VWF: variants seen among roughly 807,000 people sequenced by gnomAD.
VWF encodes Factor VIII related antigen.
In VWF, 176 loss-of-function variants were observed where a neutral mutation model predicts 308.6. The ratio of observed to expected loss-of-function variants is 0.57; its 90% CI spans 0.50 to 0.65. The LOEUF is 0.65. VWF is among the 30% of genes least tolerant of loss of function. The pLI, the probability that VWF is intolerant of heterozygous loss-of-function variation, is 0.00. For missense variants in VWF, 3,146 were observed against 3,648.2 expected, an observed-to-expected ratio of 0.86 and a Z score of 3.55; for synonymous variants, 1,385 against 1,443.4, an observed-to-expected ratio of 0.96 and a Z score of 0.92.
rs568697875 is a variant in VWF at position 6,103,425 on chromosome 12, TAC to T, written c.532+6947_532+6948del. 6.2e-3 allele frequency among the ~76,000 whole-genome samples: 726 copies of T among 117,932 alleles called. 58 individuals carry two copies. The highest frequency in any genetic ancestry group is 0.021 in the African/African-American group (400 of 19,238). The allele number at this position is 117,932 out of a possible 152,430, so 77.4% of individuals were successfully genotyped here. A position where few individuals can be genotyped will look rare whatever the true frequency, so the allele number is the denominator to read the frequency against. ...GTGTGTGTATACACACGTGTGTGTA[TAC>T]ACACGTGTGTATATACATACACATA... On this transcript the variant is annotated intron_variant, in intron 5 of 51. Transcript: ENST00000261405.
At chr12:6,095,381 A>C (rs1454589862) in intron 6 of VWF, 79 bp downstream of exon 6, 1 of 1,607,196 alleles carries the variant, frequency 6.2e-7, no homozygotes, top group Non-Finnish European at 8.5e-7. Flanking sequence ...AGATGGAAGG[A>C]TATGAGACTG....
At chr12:6,017,008 G>C (rs370918155) in intron 28 of VWF, 138 bp from the exon 29 acceptor site, 4 of 881,778 alleles carry the variant, frequency 4.5e-6, no homozygotes, top group Non-Finnish European at 3.8e-6. Context: ...GGGTGCCTTC[G>C]TGAGTACAAG....
At chr12:6,016,959 A>G (rs778551899) in intron 28 of VWF, 89 bp from the exon 29 acceptor site, 318 of 1,427,288 alleles carry the variant, frequency 2.2e-4, no homozygotes, top group Non-Finnish European at 3.0e-4. Context: ...TAGGATCTGC[A>G]GGGCGTGCTG....
In VWF at chr12:6,056,961, G is replaced by A. The variant is rs776987924; in HGVS notation, c.1841C>T (p.Ser614Phe). ...YLRNCRYDVC[S>F]CSDGRECLCG... ...CAGGCACTCGCGGCCGTCCGAGCAG[G>A]AGCACACGTCGTAGCGGCAGTTCCG... The change falls in exon 15 of 52, where the codon TCC becomes TTC. Residue 614 changes from serine (S) to phenylalanine (F), a missense_variant. By Grantham distance (155) the Ser-to-Phe change is radical. This residue lies in a region of VWF where 1,304 missense variants were observed against 1,353.0 expected (regional missense o/e 0.96). Coordinates refer to ENST00000261405, the MANE Select transcript of VWF (RefSeq NM_000552.5). The A allele has an allele frequency of 3.9e-6, 6 of 1,540,322 alleles. No individual in the cohort carries two copies. The South Asian group carries it at 7.1e-5, about 18-fold the overall frequency.
intron 20 of VWF, among the ~76,000 whole-genome samples, chr12:6,032,313 C>T (rs1227232933): frequency 3.5e-5 from 5 of 144,782 alleles, no homozygotes; most frequent in African/African-American, 1.0e-4. Flanking sequence ...GGTGACAGAG[C>T]GAGACTCCAT....
chr12:5,958,330 T>C (rs61908458), intron 47 of VWF, among the ~76,000 whole-genome samples: 19,092 of 152,178 alleles, frequency 0.13, 1,367 homozygotes, highest in East Asian at 0.18. Flanking sequence ...TTTAGATAGA[T>C]AGGTTGAGAA....
At position 6,123,171 on chromosome 12, in the gene VWF, A is replaced by G; in HGVS notation, c.26T>C (p.Val9Ala). The G allele has an allele frequency of 1.2e-6, 2 of 1,614,184 alleles. No homozygotes were observed. Among genetic ancestry groups the G allele is most frequent in the Non-Finnish European group, 1.7e-6 (2 of 1,180,044 alleles). Residue 9 changes from valine (V) to alanine (A), a missense_variant, in exon 2 of 52, where the codon GTG (valine) becomes GCG (alanine). Val to Ala is a moderately conservative substitution (Grantham distance 64, BLOSUM62 0). This residue lies in a region of VWF where 1,304 missense variants were observed against 1,353.0 expected (regional missense o/e 0.96). Coordinates refer to ENST00000261405, the MANE Select transcript of VWF (RefSeq NM_000552.5). ...CAAAATGAGGGCCAGAGCAAGCAGCACCCCGGCAAATCTGGCAGGAATCAT... is the reference window on the plus strand; with the variant it reads ...CAAAATGAGGGCCAGAGCAAGCAGCGCCCCGGCAAATCTGGCAGGAATCAT... The part of the protein sequence containing the change: MIPARFAG[V>A]LLALALILPG...
At position 6,092,606 on chromosome 12, in the gene VWF, T is replaced by TTA. The variant is rs1565386576; in HGVS notation, c.657+2853_657+2854insTA. On this transcript the variant is annotated intron_variant, in intron 6 of 51. Transcript: ENST00000261405. The stretch of plus-strand genomic sequence containing the variant: ...CATGCCACCATGCCCAGCTAGTTAG[T>TTA]GAGTGAGTGAGAGTGTGTGTGTGTG... Among the ~76,000 whole-genome samples, 81 of 47,588 alleles carry TTA rather than the reference T, an allele frequency of 1.7e-3. 2 individuals carry two copies. Among genetic ancestry groups the TTA allele is most frequent in the African/African-American group, 0.011 (78 of 7,322 alleles). 31.2% of individuals were successfully genotyped at this position (47,588 alleles called of 152,430 possible). A position where few individuals can be genotyped will look rare whatever the true frequency, so the allele number is the denominator to read the frequency against.
At chr12:6,006,461 G>T (rs367809878) in intron 34 of VWF, among the ~76,000 whole-genome samples, 3 of 152,140 alleles carry the variant, frequency 2.0e-5, no homozygotes, top group African/African-American at 7.2e-5. Context: ...AAGCTATGAA[G>T]TGGCTGAAAT....
At chr12:5,971,524 T>C in intron 44 of VWF, 75 bp downstream of exon 44, 1 of 1,245,822 alleles carries the variant, frequency 8.0e-7, no homozygotes. Context: ...GGGAATGAGA[T>C]GAAACCAAGG....
chr12:6,014,914 A>G (rs1356374807), intron 31 of VWF, among the ~76,000 whole-genome samples: 2 of 152,218 alleles, frequency 1.3e-5, no homozygotes, highest in Non-Finnish European at 2.9e-5. Flanking sequence ...CAAGACCACA[A>G]CTGCTTTCTT....
intron 13 of VWF, among the ~76,000 whole-genome samples, chr12:6,061,642 A>C (rs1020884988): frequency 6.6e-6 from 1 of 152,158 alleles, no homozygotes; most frequent in Non-Finnish European, 1.5e-5. Context: ...ACAGGACCCC[A>C]GGAGGCAGGA....
intron 6 of VWF, among the ~76,000 whole-genome samples, chr12:6,088,603 C>T (rs981844538): frequency 5.3e-5 from 8 of 152,092 alleles, no homozygotes; most frequent in African/African-American, 1.9e-4. Context: ...CTGTTGCAGA[C>T]AGGACTACAG....
chr12:6,092,622 T>A (rs145245519), intron 6 of VWF, among the ~76,000 whole-genome samples: 52,854 of 90,748 alleles, frequency 0.58, 12,625 homozygotes, highest in South Asian at 0.67. Context: ...AGTGAGAGTG[T>A]GTGTGTGTGT....
intron 14 of VWF, among the ~76,000 whole-genome samples, chr12:6,057,608 CTTT>C (rs61458766): frequency 0.087 from 11,691 of 134,476 alleles, 558 homozygotes; most frequent in African/African-American, 0.13. Flanking sequence ...CCTCGGTAGA[CTTT>C]TTTTTTTTTT....
rs966927429 is a variant in VWF at position 6,085,900 on chromosome 12, TA to T, written c.657+9559del. Among the ~76,000 whole-genome samples, 30 of 152,012 alleles carry T rather than the reference TA, an allele frequency of 2.0e-4. No individual in the cohort carries two copies. In the East Asian group the frequency reaches 4.6e-3, roughly 24 times the overall value. On this transcript the variant is annotated intron_variant, in intron 6 of 51. Transcript: ENST00000261405. Reference sequence around the variant, plus strand: ...TATCCCAGAACTTAAAGTAAAATTTTAAAAAAAAATTTTTAAAGGCCAAGTT... The same window carrying T: ...TATCCCAGAACTTAAAGTAAAATTTTAAAAAAAATTTTTAAAGGCCAAGTT...
chr12:5,950,941 G>A (rs1380853244), intron 50 of VWF, among the ~76,000 whole-genome samples: 6 of 152,112 alleles, frequency 3.9e-5, no homozygotes, highest in Non-Finnish European at 7.4e-5. Flanking sequence ...GTGCTTCCTC[G>A]ATCTGAGATT....
chr12:6,095,283 G>A, intron 6 of VWF, 177 bp downstream of exon 6: 1 of 971,556 alleles, frequency 1.0e-6, no homozygotes, highest in South Asian at 1.3e-5. Context: ...CTCATTTTTA[G>A]AGCTTCAGGC....
intron 3 of VWF, among the ~76,000 whole-genome samples, chr12:6,112,986 A>G (rs1217659778): frequency 6.6e-6 from 1 of 152,182 alleles, no homozygotes; most frequent in African/African-American, 2.4e-5. Flanking sequence ...CACGTAAATA[A>G]TAAGTCTATT....
Sources: allele counts gnomAD v4.1 joint callset (sites outside exome capture counted in the v4.1 genomes callset), GRCh38; gene constraint gnomAD v4.1.1; regional missense constraint gnomAD v4.1.1; transcripts MANE v1.5; gene names NCBI Gene and HGNC (gene_info 2026-07-23, HGNC 2026-07-21).